STMN2: variants seen among roughly 807,000 people sequenced by gnomAD.
STMN2 encodes stathmin-2.
A neutral mutation model predicts 24.1 loss-of-function variants in STMN2; 2 were observed. The ratio of observed to expected loss-of-function variants is 0.08; its 90% confidence interval spans 0.03 to 0.26. The LOEUF (loss-of-function observed/expected upper bound fraction) is 0.26. STMN2 is among the 10% of genes least tolerant of loss of function. STMN2 has a pLI of 1.00. For synonymous variants in STMN2, 83 were observed against 77.5 expected (o/e 1.07, Z -0.37); for missense variants, 114 against 213.6 (o/e 0.53, Z 2.91).
chr8:79,642,184 T>G (rs1810115333), intron 3 of STMN2, among the ~76,000 whole-genome samples: 1 of 152,312 alleles, frequency 6.6e-6, no homozygotes. Context: ...TTCTAAGACT[T>G]GATGGGGATT....
rs1810413552 is a variant in STMN2, at chr8:79,654,879, G to A, written c.297G>A (p.Glu99=). The A allele has an allele frequency of 2.5e-6, 4 of 1,612,024 alleles. No homozygotes were observed. Among genetic ancestry groups the A allele is most frequent in the Non-Finnish European group, 3.4e-6 (4 of 1,178,424 alleles). ...ATGTTTTTCTTCCCCAGTCTCAGGA[G>A]GCCCAGGTGCTGAAACAATTGGCAG... ...EAAEERRKSQ[E]AQVLKQLAEK... The change falls in exon 4 of 5, where the codon GAG becomes GAA. Residue 99 remains glutamate (E), a synonymous_variant. Coordinates refer to ENST00000220876, the MANE Select transcript of STMN2 (RefSeq NM_007029.4).
At chr8:79,643,176 T>C (rs982460753) in intron 3 of STMN2, among the ~76,000 whole-genome samples, 7 of 139,710 alleles carry the variant, frequency 5.0e-5, no homozygotes, top group Non-Finnish European at 9.3e-5. Context: ...TATAAAATAC[T>C]AGTTATCATT....
At chr8:79,613,457 C>G in intron 1 of STMN2, 1 of 985,498 alleles carries the variant, frequency 1.0e-6, no homozygotes, top group Non-Finnish European at 1.2e-6. Flanking sequence ...GCTACCCCCG[C>G]TTTCCACAAT....
At chr8:79,643,186 T>G (rs1810147130) in intron 3 of STMN2, among the ~76,000 whole-genome samples, 1 of 143,878 alleles carries the variant, frequency 7.0e-6, no homozygotes, top group Non-Finnish European at 1.5e-5. Context: ...TAGTTATCAT[T>G]GTTCTAGATT....
chr8:79,628,353 G>A (rs1024197968), intron 1 of STMN2, among the ~76,000 whole-genome samples: 26 of 151,834 alleles, frequency 1.7e-4, no homozygotes, highest in African/African-American at 6.1e-4. Flanking sequence ...TAGTAGAGAC[G>A]GGGTTTCACC....
At chr8:79,660,770 A>G (rs1806484722) in intron 4 of STMN2, among the ~76,000 whole-genome samples, 1 of 152,010 alleles carries the variant, frequency 6.6e-6, no homozygotes, top group South Asian at 2.1e-4. Context: ...TGTACACTGT[A>G]CCCAATATGT....
At chr8:79,636,955 T>C in intron 2 of STMN2, 58 bp downstream of exon 2, 1 of 1,510,556 alleles carries the variant, frequency 6.6e-7, no homozygotes, top group South Asian at 1.2e-5. Context: ...AAGGTTGACA[T>C]ATATTTGTTT....
At chr8:79,657,903 A>G (rs1806413131) in intron 4 of STMN2, among the ~76,000 whole-genome samples, 1 of 152,222 alleles carries the variant, frequency 6.6e-6, no homozygotes, top group Non-Finnish European at 1.5e-5. Context: ...CTCCTATTAA[A>G]TTAGAAATTT....
chr8:79,636,579 T>C (rs1809962982), intron 1 of STMN2, among the ~76,000 whole-genome samples: 1 of 152,206 alleles, frequency 6.6e-6, no homozygotes, highest in Non-Finnish European at 1.5e-5. Context: ...TCTTGTTATT[T>C]AACCTGCTAT....
chr8:79,641,001 A>G (rs2130358312), intron 2 of STMN2, among the ~76,000 whole-genome samples: 1 of 152,338 alleles, frequency 6.6e-6, no homozygotes, highest in Non-Finnish European at 1.5e-5. Flanking sequence ...AGCTACGATA[A>G]TTTCCAAACA....
At chr8:79,631,268 G>A (rs1809796573) in intron 1 of STMN2, among the ~76,000 whole-genome samples, 1 of 152,178 alleles carries the variant, frequency 6.6e-6, no homozygotes. Context: ...AGCCTCATAT[G>A]TTTCTGTATA....
At chr8:79,631,867 TA>T (rs1809808779) in intron 1 of STMN2, among the ~76,000 whole-genome samples, 1 of 152,156 alleles carries the variant, frequency 6.6e-6, no homozygotes, top group Admixed American at 6.5e-5. Context: ...TTTCTGAAAT[TA>T]AAAAGGAAAT....
At position 79,664,914 on chromosome 8, in the gene STMN2, C is replaced by T. The variant is rs375484603; in HGVS notation, c.*40C>T. ...TGGCACGCCCCACCAATAGTAAATCCCCCTGCCTATATTATAATGGATCAT... is the reference window on the plus strand; with the variant it reads ...TGGCACGCCCCACCAATAGTAAATCTCCCTGCCTATATTATAATGGATCAT... On this transcript the variant is annotated 3_prime_UTR_variant, in exon 5 of 5. Transcript: ENST00000220876. 1.3e-6 allele frequency: 2 copies of T among 1,596,024 alleles called. No homozygotes were observed. The highest frequency in any genetic ancestry group is 1.7e-6 in the Non-Finnish European group (2 of 1,168,134).
chr8:79,628,834 T>C (rs1358477096), intron 1 of STMN2, among the ~76,000 whole-genome samples: 1 of 152,190 alleles, frequency 6.6e-6, no homozygotes, highest in Non-Finnish European at 1.5e-5. Context: ...ATTTTGACCC[T>C]GTTTGTGACA....
chr8:79,649,300 C>T (rs908559202), intron 3 of STMN2, among the ~76,000 whole-genome samples: 13 of 151,872 alleles, frequency 8.6e-5, no homozygotes, highest in Admixed American at 4.6e-4. Flanking sequence ...GCTACCTTCT[C>T]GGTGAAGAAG....
intron 1 of STMN2, among the ~76,000 whole-genome samples, chr8:79,622,381 TCTTATA>T (rs1348445790): frequency 6.6e-6 from 1 of 152,200 alleles, no homozygotes; most frequent in African/African-American, 2.4e-5. Context: ...ACATCTCAAT[TCTTATA>T]CTTTGTTAAT....
intron 3 of STMN2, among the ~76,000 whole-genome samples, chr8:79,644,877 G>A (rs1449204972): frequency 1.3e-5 from 2 of 152,132 alleles, no homozygotes; most frequent in Admixed American, 6.5e-5. Flanking sequence ...GAGCCAGGCC[G>A]GGTGTGGTGG....
At chr8:79,633,630 A>C (rs1401503899) in intron 1 of STMN2, among the ~76,000 whole-genome samples, 1 of 152,198 alleles carries the variant, frequency 6.6e-6, no homozygotes, top group Non-Finnish European at 1.5e-5. Context: ...ATGTGGCAAA[A>C]GGAGATTGAG....
intron 3 of STMN2, among the ~76,000 whole-genome samples, chr8:79,646,074 A>T (rs1810211190): frequency 6.6e-6 from 1 of 152,172 alleles, no homozygotes; most frequent in African/African-American, 2.4e-5. Flanking sequence ...TTAATAAATA[A>T]TAACTTTCAG....
Sources: gnomAD v4.1 joint callset for allele counts (sites outside exome capture counted in the v4.1 genomes callset) on GRCh38, gnomAD v4.1.1 for gene constraint, MANE v1.5 for transcripts, NCBI Gene and HGNC (gene_info 2026-07-23, HGNC 2026-07-21) for gene names.